Variants in HSPA12A observed in about 807,000 individuals in gnomAD.
HSPA12A encodes heat shock protein family A (Hsp70) member 12A.
In HSPA12A, 28 loss-of-function variants were observed where a neutral mutation model predicts 69.2. The ratio of observed to expected loss-of-function variants is 0.40; its 90% CI spans 0.30 to 0.55. The LOEUF is 0.55. Among genes scored for constraint, HSPA12A ranks in the 20% least tolerant of loss-of-function variants. The probability of loss-of-function intolerance (pLI) is 0.38; values close to 1 mark genes in which losing one functional copy is unlikely to be tolerated. For synonymous variants in HSPA12A, 345 were observed against 370.5 expected (o/e 0.93, Z 0.79); for missense variants, 686 against 900.7 (o/e 0.76, Z 3.05).
upstream of HSPA12A, among the ~76,000 whole-genome samples, chr10:116,746,203 C>G (rs1295710054): frequency 6.6e-6 from 1 of 152,166 alleles, no homozygotes; most frequent in African/African-American, 2.4e-5. Flanking sequence ...AGCCCCCAAA[C>G]AAACCCCCAC....
At chr10:116,742,892 C>G (rs1228342938), upstream of HSPA12A, among the ~76,000 whole-genome samples, 1 of 152,070 alleles carries the variant, frequency 6.6e-6, no homozygotes, top group Non-Finnish European at 1.5e-5. Context: ...CGCGGCGCGT[C>G]CCCTCTTTGG....
At chr10:116,742,093 CG>C (rs1403783530) in intron 1 of HSPA12A, among the ~76,000 whole-genome samples, 1 of 152,046 alleles carries the variant, frequency 6.6e-6, no homozygotes, top group Non-Finnish European at 1.5e-5. Flanking sequence ...GCTGCACACG[CG>C]GGGCGGTCCT....
chr10:116,694,759 C>A (rs868932283), intron 5 of HSPA12A, among the ~76,000 whole-genome samples: 3 of 152,172 alleles, frequency 2.0e-5, no homozygotes, highest in South Asian at 2.1e-4. Context: ...GGCCACCAGG[C>A]GCTGAGCCTG....
At chr10:116,807,337 ACT>A (rs1042832994) in intron 2 of HSPA12A, among the ~76,000 whole-genome samples, 1 of 150,484 alleles carries the variant, frequency 6.6e-6, no homozygotes, top group Non-Finnish European at 1.5e-5. Flanking sequence ...TCTCCAAGGG[ACT>A]CTCTGTTTCT....
intron 2 of HSPA12A, among the ~76,000 whole-genome samples, chr10:116,804,923 A>G (rs1845036161): frequency 6.6e-6 from 1 of 152,246 alleles, no homozygotes; most frequent in South Asian, 2.1e-4. Context: ...CAAAAAAGAT[A>G]GGCGAGCCTT....
At chr10:116,815,873 G>A (rs919369666) in intron 2 of HSPA12A, among the ~76,000 whole-genome samples, 1 of 152,224 alleles carries the variant, frequency 6.6e-6, no homozygotes, top group Non-Finnish European at 1.5e-5. Flanking sequence ...AAGACAAAAT[G>A]TGTATCTCCA....
intron 1 of HSPA12A, among the ~76,000 whole-genome samples, chr10:116,715,746 C>A (rs1554883731): frequency 6.6e-6 from 1 of 152,216 alleles, no homozygotes; most frequent in African/African-American, 2.4e-5. Context: ...CGCTGTCCAT[C>A]AGAGCACCTG....
intron 9 of HSPA12A, among the ~76,000 whole-genome samples, chr10:116,680,314 A>G (rs1156680132): frequency 6.6e-6 from 1 of 152,240 alleles, no homozygotes; most frequent in African/African-American, 2.4e-5. Context: ...AATCAATTAC[A>G]TTTTTTAAAA....
chr10:116,769,491 C>T (rs1241862488), intron 2 of HSPA12A, among the ~76,000 whole-genome samples: 4 of 152,102 alleles, frequency 2.6e-5, no homozygotes, highest in East Asian at 3.9e-4. Flanking sequence ...CCCGGGGTGG[C>T]GAAAGCACCA....
chr10:116,705,349 G>T, intron 2 of HSPA12A, 71 bp from the exon 3 acceptor site: 1 of 1,546,260 alleles, frequency 6.5e-7, no homozygotes, highest in Non-Finnish European at 8.9e-7. Flanking sequence ...ACCCCTGGGG[G>T]GTCTCACCTT....
chr10:116,830,001 A>G (rs1403227704), intron 2 of HSPA12A: 4 of 152,382 alleles, frequency 2.6e-5, no homozygotes, highest in South Asian at 4.1e-4. Context: ...CTGGCAAAGA[A>G]CGAAACTCGT....
At chr10:116,778,751 G>A (rs1365956343) in intron 2 of HSPA12A, among the ~76,000 whole-genome samples, 4 of 152,074 alleles carry the variant, frequency 2.6e-5, no homozygotes, top group Admixed American at 2.0e-4. Context: ...GGCATGATGG[G>A]ACCCGCTATG....
chr10:116,689,622 CA>C (rs1849676809), intron 6 of HSPA12A, among the ~76,000 whole-genome samples: 1 of 149,086 alleles, frequency 6.7e-6, no homozygotes, highest in Admixed American at 6.6e-5. Flanking sequence ...CACAGACAGA[CA>C]GACAGACAGA....
rs188202113 is a variant in HSPA12A at position 116,716,235 on chromosome 10, T to C, written c.41-8950A>G. 8.4e-4 allele frequency among the ~76,000 whole-genome samples: 128 copies of C among 152,070 alleles called. 1 individual carries two copies. Among genetic ancestry groups the C allele is most frequent in the African/African-American group, 2.9e-3 (120 of 41,440 alleles). On this transcript the variant is annotated intron_variant, in intron 1 of 11. Transcript: ENST00000369209. Reference sequence around the variant, plus strand: ...GGTATGCCCCTGCAGAGAGGCAGGATCACTTAAAGGACCCTGACATGCCCA... The same window carrying C: ...GGTATGCCCCTGCAGAGAGGCAGGACCACTTAAAGGACCCTGACATGCCCA...
intron 2 of HSPA12A, among the ~76,000 whole-genome samples, chr10:116,772,448 A>G (rs1389806860): frequency 1.3e-5 from 2 of 152,170 alleles, no homozygotes; most frequent in African/African-American, 4.8e-5. Flanking sequence ...TGCCAGGCCC[A>G]AACTCAGAGC....
At chr10:116,777,640 G>A (rs1445226164) in intron 2 of HSPA12A, among the ~76,000 whole-genome samples, 3 of 152,200 alleles carry the variant, frequency 2.0e-5, no homozygotes, top group Non-Finnish European at 2.9e-5. Flanking sequence ...ACGCCACTAC[G>A]TTTCCATCCC....
intron 6 of HSPA12A, among the ~76,000 whole-genome samples, chr10:116,690,900 T>A (rs1554880077): frequency 6.6e-6 from 1 of 152,158 alleles, no homozygotes; most frequent in African/African-American, 2.4e-5. Flanking sequence ...GTCAAAACCA[T>A]GAATCTTGAA....
rs148237276 is a variant in HSPA12A at position 116,726,681 on chromosome 10, C to T, written c.40+15749G>A. Among the ~76,000 whole-genome samples, 965 of 152,328 alleles carry T rather than the reference C, an allele frequency of 6.3e-3. 9 individuals are homozygous for T. The highest frequency in any genetic ancestry group is 0.022 in the African/African-American group (917 of 41,580). Reference sequence around the variant, plus strand: ...TAGCCTCTACCCGTCCCCAATATCCCATCCAGACAGCCAGTCTTGGCTTGC... The same window carrying T: ...TAGCCTCTACCCGTCCCCAATATCCTATCCAGACAGCCAGTCTTGGCTTGC... On this transcript the variant is annotated intron_variant, in intron 1 of 11. Transcript: ENST00000369209.
rs533119041 is a variant in HSPA12A at position 116,723,733 on chromosome 10, C to T, written c.41-16448G>A. Among the ~76,000 whole-genome samples, 22 of 152,336 alleles carry T rather than the reference C, an allele frequency of 1.4e-4. No homozygotes were observed. The South Asian group carries it at 4.6e-3, about 32-fold the overall frequency. On this transcript the variant is annotated intron_variant, in intron 1 of 11. Coordinates refer to ENST00000369209, the MANE Select transcript of HSPA12A (RefSeq NM_025015.3). The surrounding 1 kb of genome is among the most constrained non-coding windows in gnomAD (Gnocchi z 4.1). The stretch of plus-strand genomic sequence containing the variant: ...TCTCCAGCCTGAGGACCATGAGGAC[C>T]ACTAAGCCTCAGGTGGGACCAGCAG...
Sources: gnomAD v4.1 joint callset for allele counts (sites outside exome capture counted in the v4.1 genomes callset) on GRCh38, gnomAD v4.1.1 for gene constraint, Gnocchi (gnomAD v3.1) non-coding constraint, MANE v1.5 for transcripts, NCBI Gene and HGNC (gene_info 2026-07-23, HGNC 2026-07-21) for gene names.